Variants in ULK4 observed in about 807,000 individuals in gnomAD.
The protein encoded by ULK4 is unc-51 like kinase 4.
Under a neutral mutation model 160.6 loss-of-function variants are expected in ULK4, and 133 were observed. The ratio of observed to expected loss-of-function variants is 0.83; its 90% confidence interval spans 0.72 to 0.96. ULK4 has a LOEUF of 0.96. Ranked by LOEUF, ULK4 falls within the 40% of genes least tolerant of loss-of-function variation. The pLI is 0.00. For synonymous variants in ULK4, 534 were observed against 539.8 expected (o/e 0.99, Z 0.15); for missense variants, 1,580 against 1,499.5 (o/e 1.05, Z -0.89).
At chr3:41,509,041 A>G (rs1451012284) in intron 32 of ULK4, among the ~76,000 whole-genome samples, 6 of 152,152 alleles carry the variant, frequency 3.9e-5, no homozygotes, top group African/African-American at 1.4e-4. Flanking sequence ...CATCAGAGAA[A>G]GGTGAACTCC....
At chr3:41,735,784 G>C (rs1172646512) in intron 22 of ULK4, among the ~76,000 whole-genome samples, 1 of 149,872 alleles carries the variant, frequency 6.7e-6, no homozygotes, top group African/African-American at 2.5e-5. Flanking sequence ...TGTCATGTTG[G>C]TGTGCTGCAC....
At chr3:41,278,283 G>A (rs1276430757) in intron 35 of ULK4, 1 of 152,394 alleles carries the variant, frequency 6.6e-6, no homozygotes, top group Admixed American at 6.5e-5. Flanking sequence ...GTAAACACAG[G>A]GGCCAGGAAG....
At chr3:41,788,632 G>T (rs1285923613) in intron 21 of ULK4, among the ~76,000 whole-genome samples, 2 of 152,004 alleles carry the variant, frequency 1.3e-5, no homozygotes, top group Non-Finnish European at 2.9e-5. Context: ...GGAGCTTGCA[G>T]TGAGCTGAGA....
chr3:41,708,934 A>T (rs2036996146), intron 25 of ULK4, among the ~76,000 whole-genome samples: 1 of 152,226 alleles, frequency 6.6e-6, no homozygotes, highest in Admixed American at 6.5e-5. Flanking sequence ...AAAATACTTA[A>T]ATGCAACCTA....
At chr3:41,287,554 T>C (rs146069623) in intron 35 of ULK4, among the ~76,000 whole-genome samples, 39 of 152,342 alleles carry the variant, frequency 2.6e-4, no homozygotes, top group Non-Finnish European at 4.4e-4. Context: ...CGTGTAACTT[T>C]GCTTTGCAAA....
At chr3:41,566,337 G>C (rs1168849200) in intron 31 of ULK4, among the ~76,000 whole-genome samples, 1 of 152,202 alleles carries the variant, frequency 6.6e-6, no homozygotes, top group Non-Finnish European at 1.5e-5. Context: ...AAATCACCCA[G>C]ACACCAGTGC....
rs571416175 is a variant in ULK4 at position 41,497,282 on chromosome 3, GTCAGTAAACC to G, written c.3227-34039_3227-34030del. On this transcript the variant is annotated intron_variant, in intron 32 of 36. Coordinates refer to ENST00000301831, the MANE Select transcript of ULK4 (RefSeq NM_017886.4). ...AGACTAGAAATGGCAGGAAAAAAAG[GTCAGTAAACC>G]TGAAAATAGATCTATAGAAATTGCT... is the stretch of plus-strand genomic sequence containing the variant. 4.6e-3 allele frequency among the ~76,000 whole-genome samples: 699 copies of G among 152,084 alleles called. 5 individuals carry two copies. Among genetic ancestry groups the G allele is most frequent in the Middle Eastern group, 0.024 (7 of 292 alleles).
At chr3:41,303,987 C>G (rs191376290) in intron 35 of ULK4, among the ~76,000 whole-genome samples, 1 of 152,082 alleles carries the variant, frequency 6.6e-6, no homozygotes, top group Non-Finnish European at 1.5e-5. Flanking sequence ...AAACAGACAA[C>G]AGGGCAGGTG....
intron 25 of ULK4, 92 bp downstream of exon 25, chr3:41,715,145 T>C: frequency 7.7e-7 from 1 of 1,299,634 alleles, no homozygotes. Flanking sequence ...ACCAACAGGA[T>C]TTTTAAATTA....
chr3:41,422,588 C>CT (rs11415934), intron 34 of ULK4, among the ~76,000 whole-genome samples: 87,189 of 151,510 alleles, frequency 0.58, 26,681 homozygotes, highest in African/African-American at 0.81. Flanking sequence ...CCTGTATTTC[C>CT]TTTTTTTTCT....
intron 32 of ULK4, among the ~76,000 whole-genome samples, chr3:41,468,534 G>T (rs1009357477): frequency 1.6e-4 from 25 of 152,236 alleles, no homozygotes; most frequent in African/African-American, 6.0e-4. Flanking sequence ...GTTTCCGCAC[G>T]TTCCACAGAA....
chr3:41,942,098 G>GTC (rs1699976995), intron 2 of ULK4, among the ~76,000 whole-genome samples: 1 of 152,136 alleles, frequency 6.6e-6, no homozygotes, highest in African/African-American at 2.4e-5. Flanking sequence ...TTCAATGTGG[G>GTC]AGCGATGTGC....
chr3:41,401,978 AC>A (rs1005124449), intron 34 of ULK4, among the ~76,000 whole-genome samples: 6 of 152,034 alleles, frequency 3.9e-5, no homozygotes, highest in African/African-American at 1.2e-4. Context: ...GTTTTAATCT[AC>A]CCTTTTCTTT....
At chr3:41,789,040 G>A (rs968394773) in intron 21 of ULK4, among the ~76,000 whole-genome samples, 1 of 152,180 alleles carries the variant, frequency 6.6e-6, no homozygotes, top group Non-Finnish European at 1.5e-5. Flanking sequence ...AAGCTTCTAG[G>A]TGATGTCAAT....
At chr3:41,690,949 G>A (rs911370260) in intron 27 of ULK4, among the ~76,000 whole-genome samples, 13 of 151,724 alleles carry the variant, frequency 8.6e-5, no homozygotes, top group African/African-American at 3.1e-4. Flanking sequence ...GGAACATCAG[G>A]CAACATCAGG....
intron 32 of ULK4, among the ~76,000 whole-genome samples, chr3:41,504,152 T>C (rs2085302050): frequency 6.6e-6 from 1 of 152,130 alleles, no homozygotes; most frequent in Non-Finnish European, 1.5e-5. Flanking sequence ...CTTCCTTCCT[T>C]CACTTCTCTG....
At chr3:41,803,680 C>T (rs997757218) in intron 19 of ULK4, among the ~76,000 whole-genome samples, 2 of 152,154 alleles carry the variant, frequency 1.3e-5, no homozygotes, top group Non-Finnish European at 2.9e-5. Flanking sequence ...GTTCCCCTTC[C>T]TGTGTCCATG....
chr3:41,570,410 G>C (rs910946501), intron 31 of ULK4, among the ~76,000 whole-genome samples: 1 of 152,108 alleles, frequency 6.6e-6, no homozygotes, highest in Non-Finnish European at 1.5e-5. Flanking sequence ...GGAAGGAAAG[G>C]GTGATTAATA....
intron 17 of ULK4, among the ~76,000 whole-genome samples, chr3:41,850,977 AT>A (rs1211190483): frequency 6.6e-6 from 1 of 152,124 alleles, no homozygotes; most frequent in Non-Finnish European, 1.5e-5. Context: ...TCTTGAATTA[AT>A]TTTTGTATAA....
Sources: gnomAD v4.1 joint callset for allele counts (sites outside exome capture counted in the v4.1 genomes callset) on GRCh38, gnomAD v4.1.1 for gene constraint, MANE v1.5 for transcripts, NCBI Gene and HGNC (gene_info 2026-07-23, HGNC 2026-07-21) for gene names.